IMMP2L: variants seen among roughly 807,000 people sequenced by gnomAD.
IMMP2L encodes the protein inner mitochondrial membrane peptidase subunit 2.
IMMP2L carries 18 observed loss-of-function variants against 19.3 expected under a neutral mutation model. The observed-to-expected ratio is 0.93, with a 90% confidence interval of 0.64 to 1.38. IMMP2L has a LOEUF of 1.38. Ranked by LOEUF, IMMP2L falls within the 40% of genes most tolerant of loss-of-function variation. IMMP2L has a pLI of 0.00. For missense variants in IMMP2L, 233 were observed against 218.2 expected (o/e 1.07, Z -0.43); for synonymous variants, 76 against 73.0 (o/e 1.04, Z -0.21).
At chr7:110,827,250 A>G (rs912152161) in intron 5 of IMMP2L, among the ~76,000 whole-genome samples, 7 of 152,230 alleles carry the variant, frequency 4.6e-5, no homozygotes, top group Admixed American at 4.6e-4. Context: ...CCACCCAAAG[A>G]CCGTTATTAA....
intron 4 of IMMP2L, among the ~76,000 whole-genome samples, chr7:110,900,011 T>A (rs1264234885): frequency 6.6e-6 from 1 of 152,208 alleles, no homozygotes; most frequent in African/African-American, 2.4e-5. Context: ...GAATGTTCCA[T>A]TCAGATAGGA....
chr7:111,146,259 G>GAGGA (rs1362032018), intron 3 of IMMP2L, among the ~76,000 whole-genome samples: 1 of 135,542 alleles, frequency 7.4e-6, no homozygotes, highest in Admixed American at 7.4e-5. Flanking sequence ...GGAGGAAAGG[G>GAGGA]AGGAAGGGAG....
At chr7:111,112,462 T>C (rs1419103526) in intron 3 of IMMP2L, among the ~76,000 whole-genome samples, 1 of 151,914 alleles carries the variant, frequency 6.6e-6, no homozygotes, top group Non-Finnish European at 1.5e-5. Flanking sequence ...TGTACAGTAA[T>C]GAATTTCCAC....
rs560698034 is a variant in IMMP2L at position 110,932,168 on chromosome 7, A to T, written c.305+31332T>A. ...ACATCCCTACACTACTGTTGCATACAGACTCACGAGAGTGGGGATTCTTAT... is the reference window on the plus strand; with the variant it reads ...ACATCCCTACACTACTGTTGCATACTGACTCACGAGAGTGGGGATTCTTAT... On this transcript the variant is annotated intron_variant, in intron 4 of 5. Transcript: ENST00000405709. 2.7e-4 allele frequency among the ~76,000 whole-genome samples: 41 copies of T among 152,228 alleles called. No individual in the cohort carries two copies. In the South Asian group the frequency reaches 8.5e-3, roughly 32 times the overall value.
At chr7:111,389,939 T>C (rs1180962398) in intron 3 of IMMP2L, among the ~76,000 whole-genome samples, 1 of 152,138 alleles carries the variant, frequency 6.6e-6, no homozygotes, top group Admixed American at 6.5e-5. Context: ...ATCTGTAAAA[T>C]GTTAATTCTC....
rs1207871257 is a variant in IMMP2L, at chr7:111,015,700, C to T, written c.240-52135G>A. ...ACTGGCGGTAAATGGAGAGTGAATGCTAATAGGTAGAGGGTTTCTTTAGGG... is the reference window on the plus strand; with the variant it reads ...ACTGGCGGTAAATGGAGAGTGAATGTTAATAGGTAGAGGGTTTCTTTAGGG... On this transcript the variant is annotated intron_variant, in intron 3 of 5. Coordinates refer to ENST00000405709, the MANE Select transcript of IMMP2L (RefSeq NM_032549.4). 4.6e-5 allele frequency among the ~76,000 whole-genome samples: 7 copies of T among 151,920 alleles called. No individual in the cohort carries two copies. The South Asian group carries it at 1.2e-3, about 27-fold the overall frequency.
At chr7:111,330,377 T>C (rs1358252685) in intron 3 of IMMP2L, among the ~76,000 whole-genome samples, 2 of 151,778 alleles carry the variant, frequency 1.3e-5, no homozygotes, top group Non-Finnish European at 2.9e-5. Flanking sequence ...ACAATTTATA[T>C]ATAAATGGAA....
At chr7:111,309,387 C>G (rs1823254297) in intron 3 of IMMP2L, among the ~76,000 whole-genome samples, 1 of 152,034 alleles carries the variant, frequency 6.6e-6, no homozygotes, top group Admixed American at 6.6e-5. Context: ...TAAATGAGCT[C>G]AAACCAGTTA....
chr7:110,836,199 C>T (rs1036388285), intron 5 of IMMP2L, among the ~76,000 whole-genome samples: 3 of 152,182 alleles, frequency 2.0e-5, no homozygotes, highest in South Asian at 4.2e-4. Flanking sequence ...CCTGTATTCC[C>T]GCTGTTCTAT....
chr7:111,127,268 G>A (rs1399115080), intron 3 of IMMP2L, among the ~76,000 whole-genome samples: 3 of 152,156 alleles, frequency 2.0e-5, no homozygotes, highest in South Asian at 2.1e-4. Context: ...AAACATAGGA[G>A]CCAAAATACA....
At chr7:110,943,445 C>G (rs1429765048) in intron 4 of IMMP2L, among the ~76,000 whole-genome samples, 1 of 151,992 alleles carries the variant, frequency 6.6e-6, no homozygotes, top group Non-Finnish European at 1.5e-5. Context: ...TACATGCCCA[C>G]CCTGTTGATT....
Position 111,162,453 on chromosome 7 carries a change from G to C in IMMP2L, c.240-198888C>G, listed in dbSNP as rs181652290. 2.0e-5 allele frequency among the ~76,000 whole-genome samples: 3 copies of C among 152,084 alleles called. No individual in the cohort carries two copies. The East Asian group carries it at 5.8e-4, about 29-fold the overall frequency. ...AATGTGACTTTTTAAATGACAATAA[G>C]TATAACACAAATATACTAAAGTTCA... On this transcript the variant is annotated intron_variant, in intron 3 of 5. Transcript: ENST00000405709.
chr7:111,530,808 A>G (rs775979879), intron 1 of IMMP2L, among the ~76,000 whole-genome samples: 3 of 152,134 alleles, frequency 2.0e-5, no homozygotes, highest in Non-Finnish European at 2.9e-5. Flanking sequence ...TGGAAATAAA[A>G]GAATAAATTA....
chr7:111,250,555 G>A (rs1198145774), intron 3 of IMMP2L, among the ~76,000 whole-genome samples: 1 of 152,046 alleles, frequency 6.6e-6, no homozygotes, highest in Admixed American at 6.6e-5. Context: ...CAAAAACAGA[G>A]ACATAGACCA....
intron 3 of IMMP2L, 115 bp downstream of exon 3, chr7:111,487,123 A>G: frequency 1.9e-6 from 1 of 519,918 alleles, no homozygotes; most frequent in Non-Finnish European, 3.4e-6. Flanking sequence ...CATTGTATTT[A>G]ACATGTATTC....
chr7:111,203,375 A>G (rs2129616224), intron 3 of IMMP2L, among the ~76,000 whole-genome samples: 1 of 152,232 alleles, frequency 6.6e-6, no homozygotes, highest in Non-Finnish European at 1.5e-5. Context: ...AAAAATCAAG[A>G]AAAATATATA....
chr7:110,856,851 C>T (rs1370539897), intron 5 of IMMP2L, among the ~76,000 whole-genome samples: 3 of 152,032 alleles, frequency 2.0e-5, no homozygotes, highest in Non-Finnish European at 4.4e-5. Context: ...CATTAAACAG[C>T]AGTGGTCTTA....
chr7:110,730,686 A>G lies in IMMP2L; in HGVS notation c.409-66965T>C, dbSNP rs554581616. Among the ~76,000 whole-genome samples, 704 of 151,956 alleles carry G rather than the reference A, an allele frequency of 4.6e-3. 7 individuals are homozygous for G. Among genetic ancestry groups the G allele is most frequent in the African/African-American group, 0.016 (669 of 41,484 alleles). ...ATTACAGGCGCCAGCCACCACGCCC[A>G]GCTAATTTTTTTGTATTTTCAGTAG... On this transcript the variant is annotated intron_variant, in intron 5 of 5. Coordinates refer to ENST00000405709, the MANE Select transcript of IMMP2L (RefSeq NM_032549.4).
intron 3 of IMMP2L, among the ~76,000 whole-genome samples, chr7:111,333,283 A>G (rs74361314): frequency 0.011 from 1,616 of 152,174 alleles, 30 homozygotes; most frequent in African/African-American, 0.036. Flanking sequence ...TGTACAAGAA[A>G]ATATCTTCAT....
Sources: gnomAD v4.1 joint callset for allele counts (sites outside exome capture counted in the v4.1 genomes callset) on GRCh38, gnomAD v4.1.1 for gene constraint, MANE v1.5 for transcripts, NCBI Gene and HGNC (gene_info 2026-07-23, HGNC 2026-07-21) for gene names.